KSR2: variants seen among roughly 807,000 people sequenced by gnomAD.
The protein encoded by KSR2 is kinase suppressor of ras 2.
In KSR2, 25 loss-of-function variants were observed where a neutral mutation model predicts 107.8. The ratio of observed to expected loss-of-function variants is 0.23; its 90% CI spans 0.17 to 0.32. The LOEUF (loss-of-function observed/expected upper bound fraction) is 0.32, where lower values mean the gene tolerates loss of function less well. Among genes scored for constraint, KSR2 ranks in the 10% least tolerant of loss-of-function variants. The pLI, the probability that KSR2 is intolerant of heterozygous loss-of-function variation, is 1.00. For missense variants in KSR2, 887 were observed against 1,268.9 expected, an observed-to-expected ratio of 0.70 and a Z score of 4.57; for synonymous variants, 480 against 507.0, an observed-to-expected ratio of 0.95 and a Z score of 0.71.
intron 5 of KSR2, among the ~76,000 whole-genome samples, chr12:117,594,592 G>T (rs542033101): frequency 2.6e-5 from 4 of 152,278 alleles, no homozygotes; most frequent in Admixed American, 6.5e-5. Flanking sequence ...GACCTCTGGG[G>T]CAGGATACCT....
At chr12:117,539,135 GATT>G (rs2137281130) in intron 10 of KSR2, among the ~76,000 whole-genome samples, 1 of 152,322 alleles carries the variant, frequency 6.6e-6, no homozygotes, top group South Asian at 2.1e-4. Context: ...GAACCTTCCA[GATT>G]ATCTTGTCCA....
At chr12:117,485,760 A>G in intron 14 of KSR2, 69 bp from the exon 15 acceptor site, 1 of 1,054,556 alleles carries the variant, frequency 9.5e-7, no homozygotes, top group East Asian at 2.4e-5. Context: ...AACAGTTACT[A>G]CAAGTGACAA....
At chr12:117,586,703 C>G (rs906494752) in intron 5 of KSR2, among the ~76,000 whole-genome samples, 2 of 151,632 alleles carry the variant, frequency 1.3e-5, no homozygotes, top group Admixed American at 1.3e-4. Flanking sequence ...GTGTGCCAAG[C>G]ACTACTGTCA....
intron 3 of KSR2, among the ~76,000 whole-genome samples, chr12:117,806,892 A>G (rs1423894475): frequency 6.6e-6 from 1 of 152,164 alleles, no homozygotes; most frequent in Non-Finnish European, 1.5e-5. Context: ...ACCGAATCGA[A>G]ACTCCAATTC....
intron 3 of KSR2, among the ~76,000 whole-genome samples, chr12:117,806,995 G>A (rs1049803585): frequency 6.6e-6 from 1 of 152,190 alleles, no homozygotes; most frequent in Non-Finnish European, 1.5e-5. Flanking sequence ...CCATTACGGA[G>A]GGACAAGGAT....
chr12:117,810,697 A>G (rs948341873), intron 3 of KSR2, among the ~76,000 whole-genome samples: 1 of 152,218 alleles, frequency 6.6e-6, no homozygotes, highest in Admixed American at 6.5e-5. Context: ...GCTAATATGC[A>G]GAAGAAATGA....
chr12:117,498,109 T>C (rs1592929710), intron 14 of KSR2, among the ~76,000 whole-genome samples: 1 of 152,100 alleles, frequency 6.6e-6, no homozygotes, highest in East Asian at 1.9e-4. Context: ...GGTCCTACAG[T>C]GAGTAGGCAA....
At chr12:117,908,898 T>C (rs897248864) in intron 1 of KSR2, among the ~76,000 whole-genome samples, 1 of 152,198 alleles carries the variant, frequency 6.6e-6, no homozygotes, top group African/African-American at 2.4e-5. Flanking sequence ...TTTAATTTAT[T>C]CTGTATCACT....
intron 4 of KSR2, among the ~76,000 whole-genome samples, chr12:117,729,384 T>A (rs1565982661): frequency 1.3e-5 from 2 of 152,126 alleles, no homozygotes; most frequent in Admixed American, 6.6e-5. Flanking sequence ...GTATTAGTAA[T>A]GTTCAGAGTC....
chr12:117,662,905 C>A (rs1172296868), intron 5 of KSR2, among the ~76,000 whole-genome samples: 22 of 152,206 alleles, frequency 1.4e-4, no homozygotes, highest in Admixed American at 1.4e-3. Flanking sequence ...ATGAATGAGT[C>A]GCAGGAGCTT....
At chr12:117,924,572 C>CAAAAAAAAAAAAAAA (rs58789868) in intron 1 of KSR2, among the ~76,000 whole-genome samples, 2 of 39,522 alleles carry the variant, frequency 5.1e-5, no homozygotes, top group African/African-American at 1.9e-4. Context: ...AGCTCCATCT[C>CAAAAAAAAAAAAAAA]AAAAAAAAAA....
At chr12:117,803,706 A>G (rs1890914278) in intron 3 of KSR2, among the ~76,000 whole-genome samples, 2 of 152,148 alleles carry the variant, frequency 1.3e-5, no homozygotes, top group Admixed American at 1.3e-4. Context: ...CCGTCTCAAA[A>G]AAAATTAAAT....
chr12:117,923,629 C>T (rs1033709172), intron 1 of KSR2, among the ~76,000 whole-genome samples: 6 of 152,084 alleles, frequency 3.9e-5, no homozygotes, highest in Middle Eastern at 3.2e-3. Context: ...CACACTACTG[C>T]ACTCCACAGA....
At chr12:117,595,614 C>T (rs1228434687) in intron 5 of KSR2, among the ~76,000 whole-genome samples, 3 of 152,144 alleles carry the variant, frequency 2.0e-5, no homozygotes, top group African/African-American at 7.2e-5. Context: ...CCACCCGCCT[C>T]GGCCTCCCAA....
At chr12:117,885,269 T>G (rs1053640800) in intron 1 of KSR2, among the ~76,000 whole-genome samples, 1 of 152,204 alleles carries the variant, frequency 6.6e-6, no homozygotes, top group African/African-American at 2.4e-5. Flanking sequence ...TTGAGTGCTT[T>G]CTACGTAGAA....
At chr12:117,852,940 T>G (rs1000458685) in intron 3 of KSR2, among the ~76,000 whole-genome samples, 3 of 152,190 alleles carry the variant, frequency 2.0e-5, no homozygotes, top group Non-Finnish European at 4.4e-5. Context: ...TAGCTGGGAT[T>G]ACAGGCATGC....
chr12:117,599,214 T>C (rs1015756177), intron 5 of KSR2, among the ~76,000 whole-genome samples: 3 of 152,162 alleles, frequency 2.0e-5, no homozygotes, highest in Non-Finnish European at 4.4e-5. Flanking sequence ...ACGATAGGGA[T>C]TGAGAAGCTG....
intron 4 of KSR2, among the ~76,000 whole-genome samples, chr12:117,668,655 CAA>C (rs1408291233): frequency 6.6e-6 from 1 of 152,156 alleles, no homozygotes; most frequent in African/African-American, 2.4e-5. Flanking sequence ...CTCTTGCCTA[CAA>C]AAGAGTCCTT....
chr12:117,489,152 G>GTA (rs1452856868), intron 14 of KSR2, among the ~76,000 whole-genome samples: 3 of 151,756 alleles, frequency 2.0e-5, no homozygotes, highest in African/African-American at 7.3e-5. Flanking sequence ...TGGCCCTTGT[G>GTA]TGTGTGTGTG....
Sources: allele counts gnomAD v4.1 joint callset (sites outside exome capture counted in the v4.1 genomes callset), GRCh38; gene constraint gnomAD v4.1.1; transcripts MANE v1.5; gene names NCBI Gene and HGNC (gene_info 2026-07-23, HGNC 2026-07-21).